The following RAI14 variants were observed in gnomAD, a reference collection of about 807,000 sequenced individuals.
RAI14 encodes retinoic acid induced 14, also known as ankycorbin.
In RAI14, 45 loss-of-function variants were observed where a neutral mutation model predicts 115.4. That is an observed-to-expected ratio of 0.39 (90% CI 0.31 to 0.50). The LOEUF (loss-of-function observed/expected upper bound fraction) is 0.50, where lower values mean the gene tolerates loss of function less well. RAI14 is among the 20% of genes least tolerant of loss of function. The probability of loss-of-function intolerance (pLI) is 0.85; values close to 1 mark genes in which losing one functional copy is unlikely to be tolerated. For synonymous variants in RAI14, 371 were observed against 415.4 expected (o/e 0.89, Z 1.30); for missense variants, 939 against 1,131.2 (o/e 0.83, Z 2.44).
intron 5 of RAI14, among the ~76,000 whole-genome samples, chr5:34,806,959 C>T (rs1215243830): frequency 6.6e-6 from 1 of 152,192 alleles, no homozygotes; most frequent in Non-Finnish European, 1.5e-5. Flanking sequence ...GCCTCCGTTT[C>T]TTCATCTGAA....
At chr5:34,824,512 G>C (rs375755547) in intron 15 of RAI14, 21 bp downstream of exon 15, 19 of 1,521,318 alleles carry the variant, frequency 1.2e-5, no homozygotes, top group Non-Finnish European at 3.5e-6. Flanking sequence ...CTGTATTGCT[G>C]TTGGGTTTCT....
chr5:34,816,664 GT>G (rs202022915), intron 12 of RAI14, among the ~76,000 whole-genome samples: 103 of 150,828 alleles, frequency 6.8e-4, no homozygotes, highest in Non-Finnish European at 7.8e-4. Context: ...TATTAAAGAT[GT>G]TTTTTTTTAA....
chr5:34,781,221 G>A (rs1026363559), intron 3 of RAI14, among the ~76,000 whole-genome samples: 22 of 125,028 alleles, frequency 1.8e-4, no homozygotes, highest in African/African-American at 6.2e-4. Flanking sequence ...GGGGTCTGTC[G>A]TGGGGTGGGG....
intron 5 of RAI14, 26 bp downstream of exon 5, chr5:34,803,802 T>C (rs985384685): frequency 6.3e-7 from 1 of 1,589,564 alleles, no homozygotes; most frequent in Admixed American, 1.7e-5. Context: ...CTTAGAATTA[T>C]AAATGTGTCG....
At chr5:34,742,753 G>T (rs1432294250) in intron 2 of RAI14, among the ~76,000 whole-genome samples, 1 of 151,864 alleles carries the variant, frequency 6.6e-6, no homozygotes, top group Admixed American at 6.6e-5. Flanking sequence ...AACCTCTGCC[G>T]TCCCAGTTCA....
intron 2 of RAI14, among the ~76,000 whole-genome samples, chr5:34,745,082 TTGA>T (rs932220511): frequency 2.0e-5 from 3 of 152,180 alleles, no homozygotes; most frequent in African/African-American, 7.2e-5. Context: ...TCATCTTAAC[TTGA>T]TGATGTTTGC....
At chr5:34,725,044 A>G (rs1408345940) in intron 2 of RAI14, among the ~76,000 whole-genome samples, 1 of 151,852 alleles carries the variant, frequency 6.6e-6, no homozygotes, top group Non-Finnish European at 1.5e-5. Context: ...GGAGAGAGAG[A>G]GAGGGAAAAA....
chr5:34,790,626 C>T (rs1752805503), intron 3 of RAI14, among the ~76,000 whole-genome samples: 3 of 151,862 alleles, frequency 2.0e-5, no homozygotes, highest in Admixed American at 2.0e-4. Flanking sequence ...ATCAAAATGA[C>T]TTTCTAGATA....
At chr5:34,806,602 G>A (rs1754928011) in intron 5 of RAI14, among the ~76,000 whole-genome samples, 1 of 152,078 alleles carries the variant, frequency 6.6e-6, no homozygotes, top group Non-Finnish European at 1.5e-5. Context: ...TGTGGGGTGA[G>A]GAAGAGGGGT....
In RAI14 at chr5:34,703,093, T is replaced by C. The variant is rs1056411326; in HGVS notation, c.36+16138T>C. 2.9e-4 allele frequency among the ~76,000 whole-genome samples: 44 copies of C among 152,138 alleles called. 1 individual carries two copies. Among genetic ancestry groups the C allele is most frequent in the African/African-American group, 9.4e-4 (39 of 41,440 alleles). On this transcript the variant is annotated intron_variant, in intron 2 of 17. Coordinates refer to ENST00000265109, the MANE Select transcript of RAI14 (RefSeq NM_015577.3). ...AACCCAGATGTTGGGAGTAAACAAA[T>C]TGTTATATCCACAGAGAGGAAAGTT...
In RAI14 at chr5:34,827,339, T is replaced by C. The variant is rs898291956; in HGVS notation, c.2799+860T>C. Among the ~76,000 whole-genome samples, 1 of 152,158 alleles carries C rather than the reference T, an allele frequency of 6.6e-6. No homozygotes were observed. The highest frequency in any genetic ancestry group is 1.5e-5 in the Non-Finnish European group (1 of 68,036). ...TTCATCTGCAAGATGCCTTTTGCCA[T>C]ATAAAGTTTAACATTCACAGGTTCT... On this transcript the variant is annotated intron_variant, in intron 16 of 17. Coordinates refer to ENST00000265109, the MANE Select transcript of RAI14 (RefSeq NM_015577.3). The surrounding 1 kb of genome is among the most constrained non-coding windows in gnomAD (Gnocchi z 4.2).
intron 2 of RAI14, among the ~76,000 whole-genome samples, chr5:34,709,896 T>C (rs74760886): frequency 0.066 from 10,111 of 152,254 alleles, 1,102 homozygotes; most frequent in African/African-American, 0.23. Flanking sequence ...CCAGAGATAA[T>C]GTGTGGAAAA....
intron 2 of RAI14, among the ~76,000 whole-genome samples, chr5:34,717,460 A>T (rs1742135921): frequency 6.6e-6 from 1 of 152,172 alleles, no homozygotes; most frequent in African/African-American, 2.4e-5. Context: ...CTTCATTAGG[A>T]TGTTGTAATT....
chr5:34,810,879 AGGT>A (rs772916973), intron 7 of RAI14, 130 bp from the exon 8 acceptor site: 123 of 1,322,542 alleles, frequency 9.3e-5, no homozygotes, highest in Non-Finnish European at 1.2e-4. Context: ...ACAGAATATC[AGGT>A]TGGACCAGAT....
At chr5:34,775,616 C>G (rs942291531) in intron 3 of RAI14, among the ~76,000 whole-genome samples, 1 of 152,078 alleles carries the variant, frequency 6.6e-6, no homozygotes, top group Non-Finnish European at 1.5e-5. Flanking sequence ...CGACACTTCC[C>G]AAAAGACATA....
chr5:34,787,987 G>A (rs1406501623), intron 3 of RAI14, among the ~76,000 whole-genome samples: 1 of 129,044 alleles, frequency 7.7e-6, no homozygotes, highest in East Asian at 2.6e-4. Flanking sequence ...TGTGATCACA[G>A]CTCACTGTAG....
intron 2 of RAI14, among the ~76,000 whole-genome samples, chr5:34,719,064 A>T (rs1742330515): frequency 6.6e-6 from 1 of 152,100 alleles, no homozygotes; most frequent in Non-Finnish European, 1.5e-5. Context: ...TCTTTATTAC[A>T]CTCACCAATT....
chr5:34,750,990 T>TTACA (rs1157941887), intron 2 of RAI14, among the ~76,000 whole-genome samples: 1 of 150,278 alleles, frequency 6.7e-6, no homozygotes, highest in African/African-American at 2.5e-5. Flanking sequence ...GTAGCGGGGA[T>TTACA]TACAGGCTAC....
At chr5:34,717,840 C>G (rs1742180465) in intron 2 of RAI14, among the ~76,000 whole-genome samples, 1 of 151,102 alleles carries the variant, frequency 6.6e-6, no homozygotes, top group Non-Finnish European at 1.5e-5. Flanking sequence ...AGATCCGGCT[C>G]CTGTTTCTCA....
Sources: gnomAD v4.1 joint callset for allele counts (sites outside exome capture counted in the v4.1 genomes callset) on GRCh38, gnomAD v4.1.1 for gene constraint, Gnocchi (gnomAD v3.1) non-coding constraint, MANE v1.5 for transcripts, NCBI Gene and HGNC (gene_info 2026-07-23, HGNC 2026-07-21) for gene names.